PSMB9: variants seen among roughly 807,000 people sequenced by gnomAD.
The protein encoded by PSMB9 is proteasome 20S subunit beta 9.
PSMB9 carries 16 observed loss-of-function variants against 26.9 expected under a neutral mutation model. The observed-to-expected ratio is 0.59, with a 90% confidence interval of 0.40 to 0.90. PSMB9 has a LOEUF of 0.90. Ranked by LOEUF, PSMB9 falls within the 40% of genes least tolerant of loss-of-function variation. The pLI, the probability that PSMB9 is intolerant of heterozygous loss-of-function variation, is 0.00. For missense variants in PSMB9, 253 were observed against 292.2 expected, an observed-to-expected ratio of 0.87 and a Z score of 0.98; for synonymous variants, 91 against 112.0, an observed-to-expected ratio of 0.81 and a Z score of 1.18.
chr6:32,855,585 T>TG (rs1445951604), intron 1 of PSMB9, among the ~76,000 whole-genome samples: 1 of 152,166 alleles, frequency 6.6e-6, no homozygotes, highest in Non-Finnish European at 1.5e-5. Flanking sequence ...TCTCCTGCCT[T>TG]GCCCCTGGCC....
chr6:32,858,094 A>G lies in PSMB9; in HGVS notation c.350A>G (p.His117Arg), dbSNP rs746352976. The G allele has an allele frequency of 4.9e-5, 79 of 1,612,976 alleles. No individual in the cohort carries two copies. The highest frequency in any genetic ancestry group is 6.5e-5 in the Non-Finnish European group (77 of 1,180,048). ...AAATATCGAGAGGACTTGTCTGCAC[A>G]TCTCATGGTAGCTGGCTGGGACCAA... Reference protein sequence around the residue: ...SYKYREDLSAHLMVAGWDQRE... With the variant: ...SYKYREDLSARLMVAGWDQRE... The change falls in exon 4 of 6, where the codon CAT (histidine) becomes CGT (arginine). Residue 117 changes from histidine to arginine, a missense_variant. Physicochemically the swap from His to Arg is conservative, Grantham distance 29. Coordinates refer to ENST00000374859, the MANE Select transcript of PSMB9 (RefSeq NM_002800.5). This position sits in a 1 kb window ranked among gnomAD's most constrained non-coding sequence, Gnocchi z 5.2.
intron 5 of PSMB9, among the ~76,000 whole-genome samples, 175 bp from the exon 6 acceptor site, chr6:32,859,230 A>G (rs549152464): frequency 2.0e-5 from 3 of 152,328 alleles, no homozygotes; most frequent in Admixed American, 1.3e-4. Context: ...GATGCCACAT[A>G]TGGAAGCCTT....
At chr6:32,857,642 TC>T (rs2127398878) in intron 3 of PSMB9, 1 of 528,502 alleles carries the variant, frequency 1.9e-6, no homozygotes, top group African/African-American at 1.9e-5. Flanking sequence ...TAAATCACTA[TC>T]CTGATATAAA....
At chr6:32,855,789 C>T (rs1230953630) in intron 1 of PSMB9, among the ~76,000 whole-genome samples, 1 of 152,130 alleles carries the variant, frequency 6.6e-6, no homozygotes, top group Non-Finnish European at 1.5e-5. Context: ...TGAGCCCTTC[C>T]GTTGGAGATA....
At chr6:32,855,045 TA>T (rs1212969481) in intron 1 of PSMB9, among the ~76,000 whole-genome samples, 1 of 152,246 alleles carries the variant, frequency 6.6e-6, no homozygotes, top group Non-Finnish European at 1.5e-5. Flanking sequence ...AACTTGAAGT[TA>T]ACCCTGTTCT....
chr6:32,854,346 G>A lies in PSMB9; in HGVS notation c.60+57G>A. 2.1e-6 allele frequency: 3 copies of A among 1,421,316 alleles called. No homozygotes were observed. Among genetic ancestry groups the A allele is most frequent in the Non-Finnish European group, 2.8e-6 (3 of 1,083,440 alleles). 88.0% of individuals were successfully genotyped at this position (1,421,316 alleles called of 1,614,324 possible). The stretch of plus-strand genomic sequence containing the variant: ...GGGTGGAGGAGATGCAGCGGCCAGG[G>A]GACCCTGGAAGCGCGCGCGGAGAAG... On this transcript the variant is annotated intron_variant, in intron 1 of 5. Coordinates refer to ENST00000374859, the MANE Select transcript of PSMB9 (RefSeq NM_002800.5). This position sits in a 1 kb window ranked among gnomAD's most constrained non-coding sequence, Gnocchi z 4.6.
At position 32,856,147 on chromosome 6, in the gene PSMB9, A is replaced by G. The variant is rs776522242; in HGVS notation, c.70A>G (p.Met24Val). The G allele has an allele frequency of 7.4e-6, 12 of 1,612,746 alleles. No homozygotes were observed. In the East Asian group the frequency reaches 2.4e-4, roughly 33 times the overall value. Residue 24 changes from methionine to valine, a missense_variant, in exon 2 of 6, where the codon ATG (methionine) becomes GTG (valine). Coordinates refer to ENST00000374859, the MANE Select transcript of PSMB9 (RefSeq NM_002800.5). ...AGEVHTGTTI[M>V]AVEFDGGVVM... ...TTCTGTGTCTCTGCAGACCACCATC[A>G]TGGCAGTGGAGTTTGACGGGGGCGT...
chr6:32,857,973 C>A lies in PSMB9; in HGVS notation c.261-32C>A, dbSNP rs1002851803. 7 of 1,612,498 alleles carry A rather than the reference C, an allele frequency of 4.3e-6. No homozygotes were observed. In the African/African-American group the frequency reaches 9.3e-5, roughly 22 times the overall value. ...GTATAGGAGAATGAGACTTAAAATT[C>A]TATCAACCTTTATTCCTAATATTTC... is the stretch of plus-strand genomic sequence containing the variant. On this transcript the variant is annotated intron_variant, in intron 3 of 5. Coordinates refer to ENST00000374859, the MANE Select transcript of PSMB9 (RefSeq NM_002800.5).
intron 1 of PSMB9, 155 bp from the exon 2 acceptor site, chr6:32,855,983 A>G: frequency 1.6e-6 from 1 of 623,998 alleles, no homozygotes; most frequent in Non-Finnish European, 2.8e-6. Flanking sequence ...GGAAAGATGA[A>G]GGGAAAAAAA....
intron 3 of PSMB9, 97 bp downstream of exon 3, chr6:32,857,491 G>A: frequency 7.2e-7 from 1 of 1,380,668 alleles, no homozygotes; most frequent in Non-Finnish European, 9.5e-7. Context: ...TGGACACTGG[G>A]AAATGGAAAA....
Position 32,858,676 on chromosome 6 carries a change from T to C in PSMB9, c.532+171T>C, listed in dbSNP as rs1771286586. The C allele has an allele frequency of 3.7e-6, 3 of 800,764 alleles. No individual in the cohort carries two copies. In the Admixed American group the frequency reaches 6.3e-5, roughly 17 times the overall value. The allele number at this position is 800,764 out of a possible 1,614,324, so 49.6% of individuals were successfully genotyped here. Reference sequence around the variant, plus strand: ...ACAAATGCAAAGCTCAATGGGGTTCTTGGGCAATACGGATAAACCAGGGCT... The same window carrying C: ...ACAAATGCAAAGCTCAATGGGGTTCCTGGGCAATACGGATAAACCAGGGCT... On this transcript the variant is annotated intron_variant, in intron 5 of 5. Coordinates refer to ENST00000374859, the MANE Select transcript of PSMB9 (RefSeq NM_002800.5). The surrounding 1 kb of genome is among the most constrained non-coding windows in gnomAD (Gnocchi z 5.2).
In PSMB9 at chr6:32,858,505, G is replaced by A. The variant is rs759505406; in HGVS notation, c.532G>A (p.Ala178Thr). The A allele has an allele frequency of 1.3e-5, 21 of 1,612,818 alleles. No homozygotes were observed. The highest frequency in any genetic ancestry group is 6.7e-5 in the East Asian group (3 of 44,892). ...PEECRRFTTD[A>T]IALAMSRDGS... is the part of the protein sequence containing the mutation. Reference sequence around the variant, plus strand: ...GGAGTGCAGGCGCTTCACCACAGACGGTAACCAGCCAAGTGGAAGGGTACC... The same window carrying A: ...GGAGTGCAGGCGCTTCACCACAGACAGTAACCAGCCAAGTGGAAGGGTACC... Residue 178 changes from alanine to threonine, a missense_variant and splice_region_variant, in exon 5 of 6, where the codon GCT (alanine) becomes ACT (threonine). Coordinates refer to ENST00000374859, the MANE Select transcript of PSMB9 (RefSeq NM_002800.5). The surrounding 1 kb of genome is among the most constrained non-coding windows in gnomAD (Gnocchi z 5.2).
At chr6:32,857,925 G>T (rs981438566) in intron 3 of PSMB9, 80 bp from the exon 4 acceptor site, 28 of 1,563,696 alleles carry the variant, frequency 1.8e-5, no homozygotes, top group Non-Finnish European at 2.4e-5. Flanking sequence ...TTCAGGGGTC[G>T]TTTAGCAGGG....
At chr6:32,857,538 A>G (rs1020000565) in intron 3 of PSMB9, 144 bp downstream of exon 3, 3 of 1,042,554 alleles carry the variant, frequency 2.9e-6, no homozygotes, top group African/African-American at 3.2e-5. Context: ...TGAATCTGTC[A>G]GTTTCTGCAT....
rs375541669 is a variant in PSMB9, at chr6:32,859,194, G to C, written c.533-211G>C. ...TGTAACTTGCAATTCATCATAGCGGGAGCATTTACACCACGGACATCAGCA... is the reference window on the plus strand; with the variant it reads ...TGTAACTTGCAATTCATCATAGCGGCAGCATTTACACCACGGACATCAGCA... On this transcript the variant is annotated intron_variant, in intron 5 of 5. Coordinates refer to ENST00000374859, the MANE Select transcript of PSMB9 (RefSeq NM_002800.5). Among the ~76,000 whole-genome samples, 44 of 152,316 alleles carry C rather than the reference G, an allele frequency of 2.9e-4. No homozygotes were observed. The East Asian group carries it at 4.0e-3, about 14-fold the overall frequency.
Position 32,859,497 on chromosome 6 carries a change from T to C in PSMB9, c.625T>C (p.Leu209=). The C allele has an allele frequency of 6.2e-7, 1 of 1,613,866 alleles. No homozygotes were observed. The highest frequency in any genetic ancestry group is 8.5e-7 in the Non-Finnish European group (1 of 1,179,948). Residue 209 remains leucine (L), a synonymous_variant, in exon 6 of 6, where the codon TTG becomes CTG. Coordinates refer to ENST00000374859, the MANE Select transcript of PSMB9 (RefSeq NM_002800.5). ...TAAGVDHRVI[L]GNELPKFYDE ...TGCCGGTGTGGACCATCGAGTCATC[T>C]TGGGCAATGAACTGCCAAAATTCTA...
Position 32,859,397 on chromosome 6 carries a change from C to G in PSMB9, c.533-8C>G. ...CTCTCCCTCTCTCCAACTTGAAACC[C>G]TCTGCAGCTATTGCTCTGGCCATGA... On this transcript the variant is annotated splice_polypyrimidine_tract_variant and splice_region_variant and intron_variant, in intron 5 of 5. Coordinates refer to ENST00000374859, the MANE Select transcript of PSMB9 (RefSeq NM_002800.5). The G allele has an allele frequency of 6.2e-7, 1 of 1,608,852 alleles. No homozygotes were observed. The highest frequency in any genetic ancestry group is 8.5e-7 in the Non-Finnish European group (1 of 1,177,702).
chr6:32,859,374 C>G (rs377271839), intron 5 of PSMB9, 31 bp from the exon 6 acceptor site: 6 of 1,587,412 alleles, frequency 3.8e-6, no homozygotes, highest in Non-Finnish European at 5.1e-6. Context: ...CATCCTCTCT[C>G]TCCCTCTCTC....
intron 3 of PSMB9, 100 bp from the exon 4 acceptor site, chr6:32,857,905 A>T: frequency 7.1e-7 from 1 of 1,404,166 alleles, no homozygotes; most frequent in South Asian, 1.3e-5. Flanking sequence ...GAGCTATTGC[A>T]GTTACAGTTT....
Sources: gnomAD v4.1 joint callset for allele counts (sites outside exome capture counted in the v4.1 genomes callset) on GRCh38, gnomAD v4.1.1 for gene constraint, Gnocchi (gnomAD v3.1) non-coding constraint, MANE v1.5 for transcripts, NCBI Gene and HGNC (gene_info 2026-07-23, HGNC 2026-07-21) for gene names.